Variants in SLC41A2 observed in about 807,000 individuals in gnomAD.
SLC41A2 encodes solute carrier family 41 member 2.
A neutral mutation model predicts 58.3 loss-of-function variants in SLC41A2; 32 were observed. That is an observed-to-expected ratio of 0.55 (90% CI 0.41 to 0.74). The LOEUF is 0.74. SLC41A2 is among the 30% of genes least tolerant of loss of function. The pLI, the probability that SLC41A2 is intolerant of heterozygous loss-of-function variation, is 0.00. For missense variants in SLC41A2, 514 were observed against 680.6 expected (o/e 0.76, Z 2.72); for synonymous variants, 190 against 235.0 (o/e 0.81, Z 1.75).
chr12:104,901,718 T>G (rs909353385), intron 3 of SLC41A2, among the ~76,000 whole-genome samples: 8 of 152,024 alleles, frequency 5.3e-5, no homozygotes. Flanking sequence ...CCCAGCTAAT[T>G]TTTTTATTTT....
chr12:104,866,609 G>C, intron 6 of SLC41A2, 30 bp from the exon 7 acceptor site: 1 of 1,417,622 alleles, frequency 7.1e-7, no homozygotes, highest in South Asian at 1.3e-5. Context: ...AAAAAAGAGA[G>C]ACAACATTTA....
intron 2 of SLC41A2, among the ~76,000 whole-genome samples, chr12:104,915,703 T>C (rs2046286135): frequency 1.3e-5 from 2 of 152,236 alleles, no homozygotes; most frequent in Non-Finnish European, 1.5e-5. Flanking sequence ...TATACAATCA[T>C]GTCATCTGCA....
At chr12:104,883,547 T>G (rs1160177079) in intron 6 of SLC41A2, among the ~76,000 whole-genome samples, 1 of 152,252 alleles carries the variant, frequency 6.6e-6, no homozygotes, top group Non-Finnish European at 1.5e-5. Flanking sequence ...TCATTTCTGT[T>G]TGTTAGTTTT....
At chr12:104,873,158 T>A (rs2043869123) in intron 6 of SLC41A2, among the ~76,000 whole-genome samples, 1 of 152,122 alleles carries the variant, frequency 6.6e-6, no homozygotes, top group South Asian at 2.1e-4. Flanking sequence ...TTGATCTACA[T>A]CTCCCCATTT....
At chr12:104,907,067 T>A (rs1380254281) in intron 3 of SLC41A2, among the ~76,000 whole-genome samples, 1 of 151,902 alleles carries the variant, frequency 6.6e-6, no homozygotes, top group African/African-American at 2.4e-5. Flanking sequence ...CCTGCCTTGT[T>A]ATTCATGTAT....
intron 10 of SLC41A2, among the ~76,000 whole-genome samples, chr12:104,809,990 T>G (rs949772603): frequency 1.1e-4 from 16 of 152,148 alleles, no homozygotes; most frequent in African/African-American, 3.6e-4. Context: ...GTAGACAACA[T>G]CTGATTGACG....
At chr12:104,892,079 C>T (rs890445131) in intron 4 of SLC41A2, among the ~76,000 whole-genome samples, 27 of 152,012 alleles carry the variant, frequency 1.8e-4, no homozygotes, top group African/African-American at 6.5e-4. Context: ...GCAGGTGGAT[C>T]ACCTGAGGTC....
chr12:104,897,481 G>C (rs1219330460), intron 3 of SLC41A2, among the ~76,000 whole-genome samples: 3 of 150,758 alleles, frequency 2.0e-5, no homozygotes, highest in African/African-American at 7.3e-5. Context: ...TTTTTTTCAT[G>C]ATCTCTAGGG....
chr12:104,946,792 G>C (rs923283842), intron 1 of SLC41A2, among the ~76,000 whole-genome samples: 1 of 152,162 alleles, frequency 6.6e-6, no homozygotes, highest in Non-Finnish European at 1.5e-5. Flanking sequence ...TCAATTAAGA[G>C]AGATAATCTG....
intron 1 of SLC41A2, among the ~76,000 whole-genome samples, chr12:104,957,017 G>A (rs557422747): frequency 6.6e-6 from 1 of 152,296 alleles, no homozygotes; most frequent in African/African-American, 2.4e-5. Flanking sequence ...AGTGAAACAC[G>A]GAGCAATTGC....
chr12:104,877,436 A>G (rs2044104776), intron 6 of SLC41A2, among the ~76,000 whole-genome samples: 1 of 151,720 alleles, frequency 6.6e-6, no homozygotes, highest in African/African-American at 2.4e-5. Flanking sequence ...AAAAAATGTA[A>G]AAGACTATTT....
intron 6 of SLC41A2, among the ~76,000 whole-genome samples, chr12:104,880,502 TTTA>T (rs1461539347): frequency 3.9e-5 from 6 of 152,140 alleles, no homozygotes; most frequent in Non-Finnish European, 5.9e-5. Context: ...CAATACCTAG[TTTA>T]TTGAGAGTTT....
At chr12:104,920,537 A>G (rs1330966806) in intron 2 of SLC41A2, among the ~76,000 whole-genome samples, 1 of 152,012 alleles carries the variant, frequency 6.6e-6, no homozygotes, top group Non-Finnish European at 1.5e-5. Flanking sequence ...AGAGTCGGTG[A>G]GCTATTTGAA....
At chr12:104,834,690 A>T (rs1592961859) in intron 10 of SLC41A2, among the ~76,000 whole-genome samples, 1 of 152,202 alleles carries the variant, frequency 6.6e-6, no homozygotes, top group South Asian at 2.1e-4. Context: ...TTAAAAAAAA[A>T]AAAAGACATA....
Position 104,861,333 on chromosome 12 carries a change from G to C in SLC41A2, c.1213C>G (p.Pro405Ala), listed in dbSNP as rs1298983426. ...TAAACAACAATCCCAACCAAGTTTGGGTCTGATACAGTTGTGTCCAGAATA... is the reference window on the plus strand; with the variant it reads ...TAAACAACAATCCCAACCAAGTTTGCGTCTGATACAGTTGTGTCCAGAATA... ...GLILDTTVSD[P>A]NLVGIVVYTP... Residue 405 changes from proline (P) to alanine (A), a missense_variant, in exon 8 of 11, where the codon CCA becomes GCA. This residue lies in a region of SLC41A2 where 50 missense variants were observed against 104.5 expected (regional missense o/e 0.48). Transcript: ENST00000258538. 1.9e-6 allele frequency: 3 copies of C among 1,613,000 alleles called. No individual in the cohort carries two copies. The highest frequency in any genetic ancestry group is 1.7e-6 in the Non-Finnish European group (2 of 1,179,446).
At chr12:104,938,060 C>T (rs542009351) in intron 1 of SLC41A2, among the ~76,000 whole-genome samples, 41 of 151,824 alleles carry the variant, frequency 2.7e-4, no homozygotes, top group Non-Finnish European at 5.3e-4. Flanking sequence ...CACTGTACAC[C>T]GGAAGACACA....
At chr12:104,860,487 A>C (rs545457838) in intron 8 of SLC41A2, among the ~76,000 whole-genome samples, 4 of 152,298 alleles carry the variant, frequency 2.6e-5, no homozygotes, top group African/African-American at 9.6e-5. Flanking sequence ...TTCATATATA[A>C]ATGTCTGTGA....
chr12:104,885,256 C>A (rs2044599118), intron 6 of SLC41A2, among the ~76,000 whole-genome samples: 1 of 152,136 alleles, frequency 6.6e-6, no homozygotes, highest in African/African-American at 2.4e-5. Flanking sequence ...ACATACACAC[C>A]AAGTCTTATT....
At chr12:104,828,524 A>C (rs1283820652) in intron 10 of SLC41A2, among the ~76,000 whole-genome samples, 4 of 152,134 alleles carry the variant, frequency 2.6e-5, no homozygotes, top group Admixed American at 2.0e-4. Flanking sequence ...CTGGTGCTTC[A>C]GCTGTAAACA....
Sources: gnomAD v4.1 joint callset for allele counts (sites outside exome capture counted in the v4.1 genomes callset) on GRCh38, gnomAD v4.1.1 for gene constraint, gnomAD v4.1.1 regional missense constraint, MANE v1.5 for transcripts, NCBI Gene and HGNC (gene_info 2026-07-23, HGNC 2026-07-21) for gene names.